SOX6: variants seen among roughly 807,000 people sequenced by gnomAD.
SOX6 encodes transcription factor SOX-6.
SOX6 carries 11 observed loss-of-function variants against 97.8 expected under a neutral mutation model. That is an observed-to-expected ratio of 0.11 (90% CI 0.07 to 0.19). The LOEUF (loss-of-function observed/expected upper bound fraction) is 0.19, where lower values mean the gene tolerates loss of function less well. SOX6 is among the 10% of genes least tolerant of loss of function. SOX6 has a pLI of 1.00. For missense variants in SOX6, 810 were observed against 1,039.5 expected, an observed-to-expected ratio of 0.78 and a Z score of 3.04; for synonymous variants, 360 against 371.4, an observed-to-expected ratio of 0.97 and a Z score of 0.35.
chr11:16,390,129 ATCAG>A (rs1011210576), intron 1 of SOX6, among the ~76,000 whole-genome samples: 1 of 151,920 alleles, frequency 6.6e-6, no homozygotes, highest in African/African-American at 2.4e-5. Flanking sequence ...TGGTTTGGGG[ATCAG>A]TCAGAGATTT....
intron 1 of SOX6, among the ~76,000 whole-genome samples, chr11:16,387,723 T>G (rs755068740): frequency 6.6e-6 from 1 of 152,144 alleles, no homozygotes; most frequent in African/African-American, 2.4e-5. Flanking sequence ...TATAAATGAA[T>G]GCTGCCAATA....
chr11:16,499,730 G>A (rs1337919547), intron 4 of SOX6, among the ~76,000 whole-genome samples: 3 of 152,112 alleles, frequency 2.0e-5, no homozygotes, highest in Non-Finnish European at 2.9e-5. Flanking sequence ...TAAATTCCTC[G>A]ACACATACAC....
At chr11:16,089,035 G>T (rs1324086937) in intron 9 of SOX6, among the ~76,000 whole-genome samples, 1 of 152,158 alleles carries the variant, frequency 6.6e-6, no homozygotes, top group Non-Finnish European at 1.5e-5. Context: ...CCTGTAGCCT[G>T]TTGGTTACAG....
chr11:16,670,825 A>G (rs760263258), intron 3 of SOX6, among the ~76,000 whole-genome samples: 1 of 152,192 alleles, frequency 6.6e-6, no homozygotes, highest in Non-Finnish European at 1.5e-5. Context: ...ATCATGCCAG[A>G]GCTGCAGTGG....
chr11:16,633,061 T>C (rs1210215086), intron 3 of SOX6, among the ~76,000 whole-genome samples: 1 of 152,096 alleles, frequency 6.6e-6, no homozygotes, highest in Admixed American at 6.5e-5. Context: ...CCAGGATCTC[T>C]GCACAGGAAA....
At chr11:16,013,022 A>G (rs1255081847) in intron 13 of SOX6, among the ~76,000 whole-genome samples, 3 of 152,052 alleles carry the variant, frequency 2.0e-5, no homozygotes, top group Non-Finnish European at 2.9e-5. Context: ...TTTTCCTCTT[A>G]TATAGTTAAT....
At chr11:16,338,375 C>A (rs1041560722) in intron 2 of SOX6, among the ~76,000 whole-genome samples, 5 of 151,938 alleles carry the variant, frequency 3.3e-5, no homozygotes, top group Admixed American at 2.0e-4. Flanking sequence ...TACACACACA[C>A]AATATATGTA....
At chr11:16,677,737 C>T (rs896424419) in intron 3 of SOX6, among the ~76,000 whole-genome samples, 2 of 152,042 alleles carry the variant, frequency 1.3e-5, no homozygotes, top group Non-Finnish European at 2.9e-5. Flanking sequence ...CTCATCTACC[C>T]CCATCATAAA....
intron 4 of SOX6, among the ~76,000 whole-genome samples, chr11:16,206,447 G>A (rs1373228535): frequency 6.6e-6 from 1 of 152,144 alleles, no homozygotes; most frequent in Non-Finnish European, 1.5e-5. Flanking sequence ...ATAATAATCA[G>A]ACTGAGGAAG....
chr11:16,134,413 G>C (rs1195809158), intron 6 of SOX6, among the ~76,000 whole-genome samples: 1 of 151,404 alleles, frequency 6.6e-6, no homozygotes, highest in Non-Finnish European at 1.5e-5. Flanking sequence ...CTTGAAGAAG[G>C]TGTGTATAGT....
At chr11:16,397,943 T>G (rs1216392136) in intron 1 of SOX6, among the ~76,000 whole-genome samples, 2 of 151,588 alleles carry the variant, frequency 1.3e-5, no homozygotes, top group Non-Finnish European at 3.0e-5. Flanking sequence ...CATTTTTCTC[T>G]TAGTAAAAAG....
intron 6 of SOX6, among the ~76,000 whole-genome samples, chr11:16,126,381 A>G (rs1345528808): frequency 6.6e-6 from 1 of 152,104 alleles, no homozygotes; most frequent in Non-Finnish European, 1.5e-5. Flanking sequence ...ATACTGCACT[A>G]CAACTGTAGT....
In SOX6 at chr11:15,968,301, T is replaced by C. The variant is rs1853200900; in HGVS notation, c.*4508A>G. ...GCTACAGCAACCATTTTTGTCATTT[T>C]CTCATTAAAAAGGAAGACCCAGTAG... On this transcript the variant is annotated 3_prime_UTR_variant, in exon 16 of 16. Coordinates refer to ENST00000683767, the MANE Select transcript of SOX6 (RefSeq NM_001367873.1). 6.6e-6 allele frequency: 1 copy of C among 152,212 alleles called. No homozygotes were observed. Among genetic ancestry groups the C allele is most frequent in the South Asian group, 2.1e-4 (1 of 4,834 alleles). 9.4% of individuals were successfully genotyped at this position (152,212 alleles called of 1,614,324 possible).
At chr11:16,715,045 A>C (rs978316160) in intron 2 of SOX6, 1 of 152,216 alleles carries the variant, frequency 6.6e-6, no homozygotes, top group South Asian at 2.1e-4. Flanking sequence ...TAAAAGCATG[A>C]GTAAATCATG....
chr11:16,416,116 G>C (rs1648815512), intron 1 of SOX6, among the ~76,000 whole-genome samples: 1 of 152,152 alleles, frequency 6.6e-6, no homozygotes, highest in Non-Finnish European at 1.5e-5. Context: ...GAGCACTAGA[G>C]ACAGTCTGCT....
intron 4 of SOX6, among the ~76,000 whole-genome samples, chr11:16,572,448 A>G (rs1461537129): frequency 6.6e-6 from 1 of 152,220 alleles, no homozygotes; most frequent in Non-Finnish European, 1.5e-5. Flanking sequence ...CAGAAAACCT[A>G]TACAGACAAA....
chr11:16,547,792 A>G (rs1023774421), intron 4 of SOX6, among the ~76,000 whole-genome samples: 6 of 152,178 alleles, frequency 3.9e-5, no homozygotes, highest in African/African-American at 7.2e-5. Context: ...AATGTTCCCA[A>G]TACAGGGAAA....
At chr11:16,598,433 C>T (rs751714343) in intron 4 of SOX6, among the ~76,000 whole-genome samples, 32 of 152,036 alleles carry the variant, frequency 2.1e-4, no homozygotes, top group Non-Finnish European at 4.1e-4. Context: ...TATCAACAAC[C>T]TGCTTAGCAT....
At chr11:16,532,641 T>A (rs984035205) in intron 4 of SOX6, among the ~76,000 whole-genome samples, 3 of 151,894 alleles carry the variant, frequency 2.0e-5, no homozygotes, top group Non-Finnish European at 4.4e-5. Flanking sequence ...TGAAGGAAAA[T>A]ACTTTATAAA....
Sources: allele counts gnomAD v4.1 joint callset (sites outside exome capture counted in the v4.1 genomes callset), GRCh38; gene constraint gnomAD v4.1.1; transcripts MANE v1.5; gene names NCBI Gene and HGNC (gene_info 2026-07-23, HGNC 2026-07-21).